Variants in PRSS36 observed in about 807,000 individuals in gnomAD.
The protein encoded by PRSS36 is serine protease 36.
In PRSS36, 90 loss-of-function variants were observed where a neutral mutation model predicts 94.3. The ratio of observed to expected loss-of-function variants is 0.95; its 90% CI spans 0.80 to 1.14. The LOEUF is 1.14. Ranked by LOEUF, PRSS36 falls within the 50% of genes most tolerant of loss-of-function variation. PRSS36 has a pLI of 0.00. For missense variants in PRSS36, 1,158 were observed against 1,135.0 expected (o/e 1.02, Z -0.29); for synonymous variants, 500 against 489.6 (o/e 1.02, Z -0.28).
chr16:31,141,846 G>C lies in PRSS36; in HGVS notation c.1636C>G (p.His546Asp), dbSNP rs1347889687. ...RPRAFFPLQTHGPWISHVTRG... is the reference protein window; with the variant it reads ...RPRAFFPLQTDGPWISHVTRG... The stretch of plus-strand genomic sequence containing the variant: ...GTCACATGGCTGATCCATGGGCCAT[G>C]AGTCTGCAGAGGGAAGAAGGCTCGG... Residue 546 changes from histidine to aspartate, a missense_variant, in exon 11 of 15, where the codon CAT becomes GAT. His to Asp is a moderately conservative substitution (Grantham distance 81, BLOSUM62 -1). Transcript: ENST00000268281. 3 of 1,614,076 alleles carry C rather than the reference G, an allele frequency of 1.9e-6. No homozygotes were observed. The highest frequency in any genetic ancestry group is 2.5e-6 in the Non-Finnish European group (3 of 1,180,036).
chr16:31,142,449 C>G lies in PRSS36; in HGVS notation c.1521+32G>C, dbSNP rs1342944800. ...CCTCTTCCTAGAGCCCTCTCGGGCCCGCGTTCCGCGGGCCCCGCCCCCGCC... is the reference window on the plus strand; with the variant it reads ...CCTCTTCCTAGAGCCCTCTCGGGCCGGCGTTCCGCGGGCCCCGCCCCCGCC... On this transcript the variant is annotated intron_variant, in intron 10 of 14. Transcript: ENST00000268281. The G allele has an allele frequency of 2.1e-6, 3 of 1,420,016 alleles. No individual in the cohort carries two copies. In the East Asian group the frequency reaches 8.1e-5, roughly 38 times the overall value. 88.0% of individuals were successfully genotyped at this position (1,420,016 alleles called of 1,614,324 possible). A position where few individuals can be genotyped will look rare whatever the true frequency, so the allele number is the denominator to read the frequency against.
At position 31,139,036 on chromosome 16, in the gene PRSS36, G is replaced by T. The variant is rs1299527559; in HGVS notation, c.*102C>A. On this transcript the variant is annotated 3_prime_UTR_variant, in exon 15 of 15. Transcript: ENST00000268281. ...AGCCAGAGCCGCTGCAATCTCGGTGGGTGGGGCCCTTGAGGTTCCAGCCGG... is the reference window on the plus strand; with the variant it reads ...AGCCAGAGCCGCTGCAATCTCGGTGTGTGGGGCCCTTGAGGTTCCAGCCGG... The T allele has an allele frequency of 9.6e-6, 13 of 1,355,636 alleles. No individual in the cohort carries two copies. Among genetic ancestry groups the T allele is most frequent in the Non-Finnish European group, 1.3e-5 (13 of 994,806 alleles). The allele number at this position is 1,355,636 out of a possible 1,614,324, so 84.0% of individuals were successfully genotyped here. A position where few individuals can be genotyped will look rare whatever the true frequency, so the allele number is the denominator to read the frequency against.
chr16:31,139,607 C>G (rs1158894800), intron 14 of PRSS36, among the ~76,000 whole-genome samples, 191 bp from the exon 15 acceptor site: 1 of 152,148 alleles, frequency 6.6e-6, no homozygotes. Flanking sequence ...TGGCCAGGTG[C>G]AGTGGCTCAC....
Position 31,143,739 on chromosome 16 carries a change from A to C in PRSS36, c.819T>G (p.Pro273=). Reference sequence around the variant, plus strand: ...AGGTAGCCACAGCAGTGAAAACTCCAGGGCGGTTTCTCCGTCCACAGCCAA... The same window carrying C: ...AGGTAGCCACAGCAGTGAAAACTCCCGGGCGGTTTCTCCGTCCACAGCCAA... ...FGFGCGRRNR[P]GVFTAVATYE... Residue 273 remains proline, a synonymous_variant, in exon 7 of 15, where the codon CCT becomes CCG. Transcript: ENST00000268281. 1 of 1,614,138 alleles carries C rather than the reference A, an allele frequency of 6.2e-7. No homozygotes were observed. The highest frequency in any genetic ancestry group is 1.1e-5 in the South Asian group (1 of 91,078).
intron 6 of PRSS36, among the ~76,000 whole-genome samples, chr16:31,144,863 G>A (rs1300403865): frequency 5.9e-5 from 9 of 152,106 alleles, no homozygotes; most frequent in African/African-American, 2.2e-4. Flanking sequence ...CGAGGCAGGC[G>A]GATCATTTGA....
chr16:31,144,331 C>T (rs1330676475), intron 6 of PRSS36, among the ~76,000 whole-genome samples: 1 of 152,182 alleles, frequency 6.6e-6, no homozygotes, highest in African/African-American at 2.4e-5. Context: ...TACACCACCA[C>T]AGCCGGCTAA....
intron 6 of PRSS36, among the ~76,000 whole-genome samples, 182 bp from the exon 7 acceptor site, chr16:31,144,019 C>T (rs191394552): frequency 1.3e-5 from 2 of 152,164 alleles, no homozygotes; most frequent in Non-Finnish European, 2.9e-5. Flanking sequence ...AGCAGAAGGC[C>T]GATGGCAGCC....
In PRSS36 at chr16:31,141,742, G is replaced by A; in HGVS notation, c.1740C>T (p.Pro580=). 1 of 1,613,722 alleles carries A rather than the reference G, an allele frequency of 6.2e-7. No individual in the cohort carries two copies. Among genetic ancestry groups the A allele is most frequent in the Non-Finnish European group, 8.5e-7 (1 of 1,179,648 alleles). The change falls in exon 11 of 15, where the codon CCC becomes CCT. Residue 580 remains proline, a synonymous_variant. Transcript: ENST00000268281. ...DGEETETQTC[P]PHTEHGACGL... ...GCTCACCACCATGCTCTGTGTGTGG[G>A]GGACAAGTCTGTGTCTCAGTCTCCT...
chr16:31,149,201 C>A lies in PRSS36; in HGVS notation c.144G>T (p.Val48=), dbSNP rs1378031644. 6.4e-6 allele frequency: 10 copies of A among 1,567,066 alleles called. No homozygotes were observed. In the South Asian group the frequency reaches 1.1e-4, roughly 17 times the overall value. ...TGCCCGGCTGCGCGTTTGAGCCCCC[C>A]ACGATGCGGGCCGAGGGCTCAGGGC... The part of the protein sequence containing the change: ...CGRPEPSARI[V]GGSNAQPGTW... Residue 48 remains valine (V), a synonymous_variant, in exon 4 of 15, where the codon GTG becomes GTT. Coordinates refer to ENST00000268281, the MANE Select transcript of PRSS36 (RefSeq NM_173502.5).
At position 31,143,255 on chromosome 16, in the gene PRSS36, C is replaced by A; in HGVS notation, c.1100+87G>T. 3 of 1,511,738 alleles carry A rather than the reference C, an allele frequency of 2.0e-6. No homozygotes were observed. In the South Asian group the frequency reaches 4.0e-5, roughly 20 times the overall value. The allele number at this position is 1,511,738 out of a possible 1,614,324, so 93.6% of individuals were successfully genotyped here. A position where few individuals can be genotyped will look rare whatever the true frequency, so the allele number is the denominator to read the frequency against. ...AATGGGACCCCGCCCCCCCCACACCCCCTGGGGAGGGGCTGGGGCCGAATG... is the reference window on the plus strand; with the variant it reads ...AATGGGACCCCGCCCCCCCCACACCACCTGGGGAGGGGCTGGGGCCGAATG... On this transcript the variant is annotated intron_variant, in intron 8 of 14. Coordinates refer to ENST00000268281, the MANE Select transcript of PRSS36 (RefSeq NM_173502.5).
intron 5 of PRSS36, 47 bp from the exon 6 acceptor site, chr16:31,146,002 C>A (rs1266886384): frequency 1.3e-6 from 2 of 1,536,696 alleles, no homozygotes; most frequent in African/African-American, 3.3e-5. Context: ...GGTATGGCAT[C>A]CCCAGTTCCC....
Position 31,148,677 on chromosome 16 carries a change from T to G in PRSS36, c.273-2A>C. The G allele has an allele frequency of 6.2e-7, 1 of 1,612,274 alleles. No individual in the cohort carries two copies. The highest frequency in any genetic ancestry group is 8.5e-7 in the Non-Finnish European group (1 of 1,179,630). On this transcript the variant is annotated splice_acceptor_variant, in intron 4 of 14. Coordinates refer to ENST00000268281, the MANE Select transcript of PRSS36 (RefSeq NM_173502.5). LOFTEE classifies it high-confidence loss of function. ...GCCGCGGGCTCCAGCGTCCCATTCC[T>G]GCGCTCGACCGGGGCAGTAGGAGGT...
At position 31,139,077 on chromosome 16, in the gene PRSS36, G is replaced by C; in HGVS notation, c.*61C>G. 1.3e-6 allele frequency: 2 copies of C among 1,497,610 alleles called. No individual in the cohort carries two copies. The highest frequency in any genetic ancestry group is 1.8e-6 in the Non-Finnish European group (2 of 1,120,010). 92.8% of individuals were successfully genotyped at this position (1,497,610 alleles called of 1,614,324 possible). ...TTCCAGCCGGCTGGGCCACATTCCA[G>C]CCCCACTGGGCGGGAAGTAGAGGGT... On this transcript the variant is annotated 3_prime_UTR_variant, in exon 15 of 15. Coordinates refer to ENST00000268281, the MANE Select transcript of PRSS36 (RefSeq NM_173502.5).
intron 6 of PRSS36, among the ~76,000 whole-genome samples, chr16:31,145,259 G>GCTA (rs1448914624): frequency 6.7e-6 from 1 of 150,088 alleles, no homozygotes; most frequent in Non-Finnish European, 1.5e-5. Flanking sequence ...TGTGGTCCTA[G>GCTA]CTACTCGGGA....
chr16:31,140,552 C>T lies in PRSS36; in HGVS notation c.2107G>A (p.Ala703Thr), dbSNP rs1338593613. The T allele has an allele frequency of 6.3e-7, 1 of 1,585,576 alleles. No homozygotes were observed. The change falls in exon 13 of 15, where the codon GCG becomes ACG. Residue 703 changes from alanine to threonine, a missense_variant. Coordinates refer to ENST00000268281, the MANE Select transcript of PRSS36 (RefSeq NM_173502.5). Reference protein sequence around the residue: ...PSALPICLHPAGIPPGASCWV... With the variant: ...PSALPICLHPTGIPPGASCWV... ...CAGCTGGCCCCCGGGGGGATACCCG[C>T]CGGGTGGAGACAGATGGGCAGGGCT...
Position 31,143,636 on chromosome 16 carries a change from A to T in PRSS36, c.922T>A (p.Ser308Thr), listed in dbSNP as rs918722702. 6.2e-7 allele frequency: 1 copy of T among 1,614,140 alleles called. No individual in the cohort carries two copies. The highest frequency in any genetic ancestry group is 1.3e-5 in the African/African-American group (1 of 75,030). ...AFPTQPQKTQ[S>T]DPQEPREENC... ...TCCTCCCTGGGCTCCTGGGGATCTG[A>T]CTGGGTCTTCTGGGGCTGGGTGGGA... Residue 308 changes from serine to threonine, a missense_variant, in exon 7 of 15, where the codon TCA becomes ACA. Transcript: ENST00000268281.
chr16:31,149,580 C>A, intron 2 of PRSS36, 82 bp from the exon 3 acceptor site: 2 of 1,606,832 alleles, frequency 1.2e-6, no homozygotes, highest in Non-Finnish European at 1.7e-6. Context: ...GCTCTCCAAC[C>A]CCCGACCCTA....
Position 31,140,589 on chromosome 16 carries a change from C to G in PRSS36, c.2070G>C (p.Glu690Asp). 4 of 1,605,716 alleles carry G rather than the reference C, an allele frequency of 2.5e-6. No individual in the cohort carries two copies. Among genetic ancestry groups the G allele is most frequent in the Non-Finnish European group, 3.4e-6 (4 of 1,175,842 alleles). The change falls in exon 13 of 15, where the codon GAG (glutamate) becomes GAC (aspartate). Residue 690 changes from glutamate to aspartate, a missense_variant. Glu to Asp is a conservative substitution (Grantham distance 45). Coordinates refer to ENST00000268281, the MANE Select transcript of PRSS36 (RefSeq NM_173502.5). ...AGATGGGCAGGGCTGATGGGGAGGG[C>G]TCCACCCGGGAGCTCAGCTCCAGGA... ...LALLELSSRV[E>D]PSPSALPICL...
At position 31,143,345 on chromosome 16, in the gene PRSS36, A is replaced by G. The variant is rs1364686683; in HGVS notation, c.1097T>C (p.Leu366Pro). Residue 366 changes from leucine to proline, a missense_variant, in exon 8 of 15, where the codon CTG becomes CCG. Transcript: ENST00000268281. ...TGAAACGTAGATTTTCACTCACTCC[A>G]GAAAGCAGCTGGCAGGTGCCAAGAC... ...SWVLAPASCF[L>P]DPNSSDSPPR... 3.8e-6 allele frequency: 6 copies of G among 1,597,476 alleles called. No individual in the cohort carries two copies. The highest frequency in any genetic ancestry group is 4.3e-6 in the Non-Finnish European group (5 of 1,172,756).
Sources: allele counts gnomAD v4.1 joint callset (sites outside exome capture counted in the v4.1 genomes callset), GRCh38; gene constraint gnomAD v4.1.1; transcripts MANE v1.5; gene names NCBI Gene and HGNC (gene_info 2026-07-23, HGNC 2026-07-21).